The following CPSF7 variants were observed in gnomAD, a reference collection of about 807,000 sequenced individuals.
CPSF7 encodes cleavage and polyadenylation specificity factor subunit 7.
A neutral mutation model predicts 44.3 loss-of-function variants in CPSF7; 1 was observed. The observed-to-expected ratio is 0.02, with a 90% CI of 0.01 to 0.11. CPSF7 has a LOEUF of 0.11. Ranked by LOEUF, CPSF7 falls within the 10% of genes least tolerant of loss-of-function variation. The pLI, the probability that CPSF7 is intolerant of heterozygous loss-of-function variation, is 1.00. For missense variants in CPSF7, 443 were observed against 607.2 expected, an observed-to-expected ratio of 0.73 and a Z score of 2.84; for synonymous variants, 202 against 222.0, an observed-to-expected ratio of 0.91 and a Z score of 0.80.
At chr11:61,422,693 G>A (rs1457925216) in intron 2 of CPSF7, among the ~76,000 whole-genome samples, 3 of 152,160 alleles carry the variant, frequency 2.0e-5, no homozygotes, top group African/African-American at 4.8e-5. Flanking sequence ...AACATAAACT[G>A]TATCACACAG....
intron 2 of CPSF7, among the ~76,000 whole-genome samples, chr11:61,422,431 A>G (rs1313225123): frequency 2.0e-5 from 3 of 151,914 alleles, no homozygotes; most frequent in Non-Finnish European, 4.4e-5. Flanking sequence ...CTCCCACTTC[A>G]GTCTCCCAAG....
intron 2 of CPSF7, among the ~76,000 whole-genome samples, chr11:61,423,749 C>T (rs1391074408): frequency 2.0e-5 from 3 of 152,168 alleles, no homozygotes; most frequent in Non-Finnish European, 2.9e-5. Context: ...TCCAATATCA[C>T]GGCAATAACT....
chr11:61,411,810 T>G lies in CPSF7; in HGVS notation c.1185A>C (p.Glu395Asp), dbSNP rs374817988. The change falls in exon 8 of 10, where the codon GAA becomes GAC. Residue 395 changes from glutamate to aspartate, a missense_variant. Coordinates refer to ENST00000439958, the MANE Select transcript of CPSF7 (RefSeq NM_001142565.3). ...TGGCACCCACACTGTAGGACTTGGC[T>G]TCGATGCCATGAAGACAGTCCTTAA... ...SSLKDCLHGI[E>D]AKSYSVGASG... 1.9e-6 allele frequency: 3 copies of G among 1,613,704 alleles called. No individual in the cohort carries two copies. Among genetic ancestry groups the G allele is most frequent in the Non-Finnish European group, 2.5e-6 (3 of 1,179,962 alleles).
intron 7 of CPSF7, among the ~76,000 whole-genome samples, chr11:61,413,440 G>A (rs1029435546): frequency 1.3e-4 from 20 of 152,068 alleles, no homozygotes; most frequent in Admixed American, 7.9e-4. Flanking sequence ...AGACCAGCCT[G>A]GCCAAAATGG....
At position 61,420,556 on chromosome 11, in the gene CPSF7, C is replaced by T; in HGVS notation, c.291G>A (p.Gln97=). 1 of 1,614,088 alleles carries T rather than the reference C, an allele frequency of 6.2e-7. No homozygotes were observed. ...GSFSWWTTDQ[Q]LIQVIRSIGV... Reference sequence around the variant, plus strand: ...CTATAGAGCGAATAACCTGGATCAGCTGCTGGTCTGTGGTCCACTGGGGCC... The same window carrying T: ...CTATAGAGCGAATAACCTGGATCAGTTGCTGGTCTGTGGTCCACTGGGGCC... Residue 97 remains glutamine (Q), a synonymous_variant, in exon 4 of 10, where the codon CAG becomes CAA. Transcript: ENST00000439958.
rs1294043196 is a variant in CPSF7, at chr11:61,403,266, GTCTCACATGCCAAGTCTCA to G, written c.*1425_*1443del. ...CCAGAAGGGTCTCTAGTGACCCTAT[GTCTCACATGCCAAGTCTCA>G]TCTCACATGCCACGTCTCATGTTAG... On this transcript the variant is annotated 3_prime_UTR_variant, in exon 10 of 10. Coordinates refer to ENST00000439958, the MANE Select transcript of CPSF7 (RefSeq NM_001142565.3). The G allele has an allele frequency of 3.3e-5, 5 of 152,154 alleles. No homozygotes were observed. The highest frequency in any genetic ancestry group is 5.9e-5 in the Non-Finnish European group (4 of 68,012). The allele number at this position is 152,154 out of a possible 1,614,324, so 9.4% of individuals were successfully genotyped here. A position where few individuals can be genotyped will look rare whatever the true frequency, so the allele number is the denominator to read the frequency against.
chr11:61,429,420 C>A, intron 1 of CPSF7, 130 bp from the exon 2 acceptor site: 1 of 575,780 alleles, frequency 1.7e-6, no homozygotes, highest in South Asian at 2.2e-5. Context: ...CCCACCCGCT[C>A]CGCCCCGCCC....
intron 2 of CPSF7, among the ~76,000 whole-genome samples, chr11:61,424,734 T>C (rs1335500234): frequency 6.6e-6 from 1 of 152,212 alleles, no homozygotes; most frequent in Non-Finnish European, 1.5e-5. Context: ...ATTACAGGCG[T>C]AAGCCACTGC....
chr11:61,420,192 A>T, intron 4 of CPSF7, 98 bp from the exon 5 acceptor site: 2 of 1,002,162 alleles, frequency 2.0e-6, no homozygotes, highest in Non-Finnish European at 2.9e-6. Context: ...GATAAAGCAA[A>T]GGACATCTTG....
chr11:61,409,781 C>T (rs1859682862), intron 9 of CPSF7, among the ~76,000 whole-genome samples: 1 of 151,836 alleles, frequency 6.6e-6, no homozygotes, highest in African/African-American at 2.4e-5. Context: ...CAAGGCCAAC[C>T]TGGCCAGTAT....
At chr11:61,410,095 C>T (rs536904984) in intron 9 of CPSF7, among the ~76,000 whole-genome samples, 2 of 152,074 alleles carry the variant, frequency 1.3e-5, no homozygotes, top group African/African-American at 4.8e-5. Context: ...GGCACCCACC[C>T]GCCCCTCCTC....
intron 7 of CPSF7, among the ~76,000 whole-genome samples, chr11:61,414,023 T>C (rs775066508): frequency 2.0e-5 from 3 of 152,192 alleles, no homozygotes; most frequent in East Asian, 1.9e-4. Context: ...GATTCAGTTA[T>C]TGATCATCTT....
chr11:61,414,700 G>A (rs1860155740), intron 7 of CPSF7, among the ~76,000 whole-genome samples: 1 of 152,230 alleles, frequency 6.6e-6, no homozygotes, highest in African/African-American at 2.4e-5. Flanking sequence ...ATGTCACGAT[G>A]TGAAAACCGG....
At chr11:61,407,350 TACATGTGCTTTTCAACCC>T in intron 9 of CPSF7, among the ~76,000 whole-genome samples, 1 of 152,232 alleles carries the variant, frequency 6.6e-6, no homozygotes, top group Non-Finnish European at 1.5e-5. Flanking sequence ...CACTGTAGCC[TACATGTGCTTTTCAACCC>T]ACAAGTAACA....
chr11:61,419,564 AAAAT>A (rs1237933606), intron 5 of CPSF7, among the ~76,000 whole-genome samples: 1 of 152,198 alleles, frequency 6.6e-6, no homozygotes, highest in East Asian at 1.9e-4. Context: ...GCATGTCTTA[AAAAT>A]TAAGCCCATT....
chr11:61,413,766 G>A (rs1231624292), intron 7 of CPSF7, among the ~76,000 whole-genome samples: 1 of 152,068 alleles, frequency 6.6e-6, no homozygotes, highest in Non-Finnish European at 1.5e-5. Flanking sequence ...GCTAAGTCAA[G>A]AGCATTAAGG....
At chr11:61,411,216 T>G in intron 8 of CPSF7, 111 bp from the exon 9 acceptor site, 1 of 1,079,168 alleles carries the variant, frequency 9.3e-7, no homozygotes. Flanking sequence ...TATTACTCTA[T>G]CATGGGCCTG....
chr11:61,415,215 G>A (rs556147134), intron 7 of CPSF7, among the ~76,000 whole-genome samples: 54 of 152,240 alleles, frequency 3.5e-4, no homozygotes, highest in African/African-American at 1.3e-3. Context: ...TCCAGCCTGG[G>A]CGACAGGGCA....
chr11:61,415,338 A>G (rs1275536575), intron 7 of CPSF7, among the ~76,000 whole-genome samples: 1 of 152,188 alleles, frequency 6.6e-6, no homozygotes, highest in Non-Finnish European at 1.5e-5. Flanking sequence ...CAGACACTAG[A>G]TCTAAAGATC....
Sources: gnomAD v4.1 joint callset for allele counts (sites outside exome capture counted in the v4.1 genomes callset) on GRCh38, gnomAD v4.1.1 for gene constraint, MANE v1.5 for transcripts, NCBI Gene and HGNC (gene_info 2026-07-23, HGNC 2026-07-21) for gene names.